The following SLC24A3 variants were observed in gnomAD, a reference collection of about 807,000 sequenced individuals.
The protein encoded by SLC24A3 is sodium/potassium/calcium exchanger 3.
A neutral mutation model predicts 75.8 loss-of-function variants in SLC24A3; 28 were observed. That is an observed-to-expected ratio of 0.37 (90% confidence interval 0.27 to 0.51). SLC24A3 has a LOEUF of 0.51. SLC24A3 is among the 20% of genes least tolerant of loss of function. The pLI, the probability that SLC24A3 is intolerant of heterozygous loss-of-function variation, is 0.94. For missense variants in SLC24A3, 663 were observed against 847.8 expected, an observed-to-expected ratio of 0.78 and a Z score of 2.71; for synonymous variants, 372 against 334.1, an observed-to-expected ratio of 1.11 and a Z score of -1.24.
chr20:19,215,410 C>T (rs1981526010), intron 1 of SLC24A3, among the ~76,000 whole-genome samples: 1 of 152,134 alleles, frequency 6.6e-6, no homozygotes, highest in African/African-American at 2.4e-5. Flanking sequence ...ATATTCAAAC[C>T]ACCATTTGGG....
At chr20:19,339,666 T>A (rs1985223073) in intron 2 of SLC24A3, among the ~76,000 whole-genome samples, 1 of 152,144 alleles carries the variant, frequency 6.6e-6, no homozygotes, top group Non-Finnish European at 1.5e-5. Flanking sequence ...ACCCAAAGCT[T>A]CCAAGTTTGC....
intron 1 of SLC24A3, among the ~76,000 whole-genome samples, chr20:19,278,689 G>A (rs1983561752): frequency 6.6e-6 from 1 of 152,166 alleles, no homozygotes; most frequent in Non-Finnish European, 1.5e-5. Flanking sequence ...GCTGATACAT[G>A]TGGCCGCCAT....
At chr20:19,234,505 G>A (rs1031768731) in intron 1 of SLC24A3, among the ~76,000 whole-genome samples, 6 of 152,204 alleles carry the variant, frequency 3.9e-5, no homozygotes, top group African/African-American at 1.4e-4. Flanking sequence ...TGAAGCACAG[G>A]CTACTTTATT....
Position 19,613,669 on chromosome 20 carries a change from G to A in SLC24A3, c.612+28125G>A, listed in dbSNP as rs186985325. Among the ~76,000 whole-genome samples, 920 of 152,232 alleles carry A rather than the reference G, an allele frequency of 6.0e-3. 4 individuals are homozygous for A. The highest frequency in any genetic ancestry group is 7.5e-3 in the Non-Finnish European group (510 of 68,006). On this transcript the variant is annotated intron_variant, in intron 6 of 16. Coordinates refer to ENST00000328041, the MANE Select transcript of SLC24A3 (RefSeq NM_020689.4). ...ACCTGTTCCTCCTTGGGATGTTCAC[G>A]CATGGCCAATGTCTCCATTACAGAG...
In SLC24A3 at chr20:19,257,323, T is replaced by C. The variant is rs1340780864; in HGVS notation, c.143-23636T>C. 2.6e-5 allele frequency among the ~76,000 whole-genome samples: 4 copies of C among 152,152 alleles called. No individual in the cohort carries two copies. In the East Asian group the frequency reaches 7.7e-4, roughly 29 times the overall value. ...GTCTAAGCCTGAACAGCGGTTTCCT[T>C]AATCGATCCTCCTCTCAGACGGTTG... On this transcript the variant is annotated intron_variant, in intron 1 of 16. Transcript: ENST00000328041.
intron 6 of SLC24A3, among the ~76,000 whole-genome samples, chr20:19,647,888 C>A (rs2122704249): frequency 6.6e-6 from 1 of 152,256 alleles, no homozygotes; most frequent in East Asian, 1.9e-4. Flanking sequence ...TTTTCTCACA[C>A]AAAACTAGAA....
At chr20:19,533,853 G>C (rs1175521358) in intron 3 of SLC24A3, among the ~76,000 whole-genome samples, 1 of 152,236 alleles carries the variant, frequency 6.6e-6, no homozygotes, top group Non-Finnish European at 1.5e-5. Context: ...AAGACAGGTA[G>C]ACCAGCTGCC....
chr20:19,687,143 G>C (rs1404390775), intron 12 of SLC24A3, among the ~76,000 whole-genome samples: 1 of 152,192 alleles, frequency 6.6e-6, no homozygotes, highest in Non-Finnish European at 1.5e-5. Flanking sequence ...TGAAGGTGTA[G>C]CCAGGGCTAC....
At chr20:19,556,390 T>C (rs1053548167) in intron 3 of SLC24A3, among the ~76,000 whole-genome samples, 1 of 152,104 alleles carries the variant, frequency 6.6e-6, no homozygotes, top group African/African-American at 2.4e-5. Context: ...TCTTATTAAA[T>C]TGTCCTCTCT....
In SLC24A3 at chr20:19,520,475, A is replaced by C. The variant is rs61204541; in HGVS notation, c.348+4911A>C. ...TAGTGGTAGGGACTCCCTTGTGCAC[A>C]TCTCCATCTTCACACTCCTGTGTCC... On this transcript the variant is annotated intron_variant, in intron 3 of 16. Coordinates refer to ENST00000328041, the MANE Select transcript of SLC24A3 (RefSeq NM_020689.4). Among the ~76,000 whole-genome samples the C allele has an allele frequency of 8.9e-3, 1,355 of 152,224 alleles. 18 individuals are homozygous for C. The highest frequency in any genetic ancestry group is 0.041 in the South Asian group (199 of 4,824).
intron 12 of SLC24A3, among the ~76,000 whole-genome samples, chr20:19,689,142 G>A (rs2032715956): frequency 1.3e-5 from 2 of 152,098 alleles, no homozygotes; most frequent in African/African-American, 2.4e-5. Context: ...AAACTAGAAG[G>A]AAATACACCA....
At chr20:19,318,521 C>G (rs1430417009) in intron 2 of SLC24A3, among the ~76,000 whole-genome samples, 1 of 152,216 alleles carries the variant, frequency 6.6e-6, no homozygotes, top group African/African-American at 2.4e-5. Flanking sequence ...GCCGAGTTAG[C>G]TCTCCTCATG....
chr20:19,239,425 G>A (rs533857590), intron 1 of SLC24A3, among the ~76,000 whole-genome samples: 24 of 152,334 alleles, frequency 1.6e-4, no homozygotes, highest in African/African-American at 5.8e-4. Flanking sequence ...GCTAGGAGAT[G>A]GGGAACAGGG....
At chr20:19,560,719 A>G (rs2030861186) in intron 3 of SLC24A3, among the ~76,000 whole-genome samples, 1 of 152,176 alleles carries the variant, frequency 6.6e-6, no homozygotes, top group South Asian at 2.1e-4. Context: ...TGCTTTCTTT[A>G]TTGGCTGATG....
chr20:19,616,578 T>A (rs2031739390), intron 6 of SLC24A3, among the ~76,000 whole-genome samples: 1 of 152,166 alleles, frequency 6.6e-6, no homozygotes. Context: ...CCACCAATGC[T>A]GGGGCCACCC....
At chr20:19,586,775 G>A (rs2031302899) in intron 6 of SLC24A3, among the ~76,000 whole-genome samples, 1 of 152,188 alleles carries the variant, frequency 6.6e-6, no homozygotes, top group Non-Finnish European at 1.5e-5. Context: ...CAGCTCCAGG[G>A]CCCACAGGTG....
At chr20:19,238,988 A>ACACC (rs1600387987) in intron 1 of SLC24A3, among the ~76,000 whole-genome samples, 1 of 150,822 alleles carries the variant, frequency 6.6e-6, no homozygotes, top group African/African-American at 2.4e-5. Flanking sequence ...ACACACACAC[A>ACACC]CCTGCCAAAT....
intron 2 of SLC24A3, among the ~76,000 whole-genome samples, chr20:19,505,958 A>G (rs566416510): frequency 6.6e-6 from 1 of 152,344 alleles, no homozygotes; most frequent in East Asian, 1.9e-4. Context: ...AATTAGAGAC[A>G]AACAGAGCTA....
chr20:19,529,769 C>T (rs1318683565), intron 3 of SLC24A3, among the ~76,000 whole-genome samples: 2 of 152,162 alleles, frequency 1.3e-5, no homozygotes, highest in Non-Finnish European at 2.9e-5. Flanking sequence ...TTTGATACCA[C>T]TCTGACCTTA....
Sources: allele counts gnomAD v4.1 joint callset (sites outside exome capture counted in the v4.1 genomes callset), GRCh38; gene constraint gnomAD v4.1.1; transcripts MANE v1.5; gene names NCBI Gene and HGNC (gene_info 2026-07-23, HGNC 2026-07-21).